Variants in C2CD3 observed in about 807,000 individuals in gnomAD.
C2CD3 encodes C2 domain containing 3 centriole elongation regulator.
C2CD3 carries 148 observed loss-of-function variants against 234.0 expected under a neutral mutation model. That is an observed-to-expected ratio of 0.63 (90% CI 0.55 to 0.72). C2CD3 has a LOEUF of 0.72. C2CD3 is among the 30% of genes least tolerant of loss of function. C2CD3 has a pLI of 0.00. For synonymous variants in C2CD3, 1,000 were observed against 1,035.4 expected (o/e 0.97, Z 0.66); for missense variants, 2,577 against 2,811.5 (o/e 0.92, Z 1.89).
chr11:74,115,915 A>G (rs1045353611), intron 9 of C2CD3, among the ~76,000 whole-genome samples: 1 of 152,208 alleles, frequency 6.6e-6, no homozygotes, highest in Non-Finnish European at 1.5e-5. Context: ...GACAATTGGC[A>G]AGCCACATGT....
At chr11:74,160,973 A>G (rs1856417870) in intron 3 of C2CD3, among the ~76,000 whole-genome samples, 1 of 152,234 alleles carries the variant, frequency 6.6e-6, no homozygotes, top group Non-Finnish European at 1.5e-5. Context: ...GTTCAGTACT[A>G]TATTATGAGC....
chr11:74,144,978 T>G (rs1043199540), intron 3 of C2CD3, among the ~76,000 whole-genome samples: 8 of 152,246 alleles, frequency 5.3e-5, no homozygotes, highest in Non-Finnish European at 1.0e-4. Context: ...AAAAGTATAA[T>G]TATTTAAAGC....
At chr11:74,122,182 C>T (rs1405194065) in intron 8 of C2CD3, among the ~76,000 whole-genome samples, 3 of 152,202 alleles carry the variant, frequency 2.0e-5, no homozygotes, top group African/African-American at 7.2e-5. Flanking sequence ...TGTTTTTCTG[C>T]ACAGGTCATT....
intron 3 of C2CD3, among the ~76,000 whole-genome samples, chr11:74,151,879 A>C (rs200133009): frequency 6.6e-6 from 1 of 152,220 alleles, no homozygotes; most frequent in East Asian, 1.9e-4. Context: ...GAAAATGTAC[A>C]TTAAAAAAGG....
chr11:74,135,531 G>C (rs1790383), intron 5 of C2CD3, among the ~76,000 whole-genome samples: 4 of 152,150 alleles, frequency 2.6e-5, no homozygotes, highest in African/African-American at 9.7e-5. Context: ...TCTCTGGCTG[G>C]TTAAAGGATA....
chr11:74,016,098 T>C (rs538580723), intron 32 of C2CD3, among the ~76,000 whole-genome samples: 2 of 152,156 alleles, frequency 1.3e-5, no homozygotes, highest in African/African-American at 4.8e-5. Context: ...CCTCTGTTGG[T>C]GACTCATCAA....
chr11:74,067,353 G>T (rs1233180656), intron 24 of C2CD3, among the ~76,000 whole-genome samples: 1 of 152,088 alleles, frequency 6.6e-6, no homozygotes. Flanking sequence ...CTGGAAAAAG[G>T]CTGAACCTGG....
chr11:74,041,969 G>T, intron 29 of C2CD3, 85 bp downstream of exon 29: 1 of 1,384,712 alleles, frequency 7.2e-7, no homozygotes, highest in Non-Finnish European at 1.0e-6. Context: ...GGCAGGTGAT[G>T]GAAAAGCAGT....
intron 25 of C2CD3, among the ~76,000 whole-genome samples, chr11:74,054,891 C>G (rs1023165246): frequency 6.6e-6 from 1 of 152,148 alleles, no homozygotes; most frequent in African/African-American, 2.4e-5. Context: ...ACAGGCTCCC[C>G]TGACACAACA....
At chr11:74,165,985 G>T (rs901476382) in intron 2 of C2CD3, among the ~76,000 whole-genome samples, 4 of 150,790 alleles carry the variant, frequency 2.7e-5, no homozygotes, top group African/African-American at 9.7e-5. Flanking sequence ...GAGCCACCAC[G>T]TTCAGCCTCT....
intron 3 of C2CD3, among the ~76,000 whole-genome samples, chr11:74,149,012 C>A (rs1403769710): frequency 6.6e-6 from 1 of 152,200 alleles, no homozygotes; most frequent in East Asian, 1.9e-4. Flanking sequence ...GACACCATTT[C>A]TCTTTCCTCA....
chr11:74,082,946 A>C (rs1430414455), intron 22 of C2CD3, among the ~76,000 whole-genome samples: 7 of 152,198 alleles, frequency 4.6e-5, no homozygotes, highest in Non-Finnish European at 2.9e-5. Flanking sequence ...AACTACTTTA[A>C]AGTTCATATG....
At chr11:74,153,802 G>T (rs1855836239) in intron 3 of C2CD3, among the ~76,000 whole-genome samples, 1 of 152,078 alleles carries the variant, frequency 6.6e-6, no homozygotes, top group Admixed American at 6.6e-5. Context: ...TAAAGCTGCA[G>T]TAATACAGTG....
At chr11:74,108,049 G>A (rs1418222189) in intron 12 of C2CD3, 1 of 151,442 alleles carries the variant, frequency 6.6e-6, no homozygotes, top group African/African-American at 2.4e-5. Flanking sequence ...TACTCGGGAG[G>A]CTGAGGCAGG....
chr11:74,122,376 T>C (rs1957246034), intron 8 of C2CD3, among the ~76,000 whole-genome samples: 1 of 152,196 alleles, frequency 6.6e-6, no homozygotes, highest in Non-Finnish European at 1.5e-5. Context: ...CTACCTTGTA[T>C]TTCAGTATCT....
At chr11:74,062,749 G>A (rs1954306725) in intron 24 of C2CD3, among the ~76,000 whole-genome samples, 1 of 151,336 alleles carries the variant, frequency 6.6e-6, no homozygotes, top group South Asian at 2.1e-4. Flanking sequence ...TCAAAAGCTA[G>A]CAGAAGGGAA....
chr11:74,167,260 ACTC>A (rs1357504748), intron 2 of C2CD3, among the ~76,000 whole-genome samples: 2 of 151,936 alleles, frequency 1.3e-5, no homozygotes, highest in Non-Finnish European at 1.5e-5. Context: ...ATTTCTAATC[ACTC>A]CTCATTTGTT....
rs189595220 is a variant in C2CD3 at position 74,162,074 on chromosome 11, C to T, written c.326-518G>A. On this transcript the variant is annotated intron_variant, in intron 2 of 32. Coordinates refer to ENST00000334126, the MANE Select transcript of C2CD3 (RefSeq NM_001286577.2). ...CAAGTGATCCCCTGATCTTGGCCTC[C>T]CAAAGTACTGGGATTACAAGTATGA... Among the ~76,000 whole-genome samples, 26 of 152,136 alleles carry T rather than the reference C, an allele frequency of 1.7e-4. No homozygotes were observed. The East Asian group carries it at 5.0e-3, about 29-fold the overall frequency.
At chr11:74,106,969 G>A (rs1477764661) in intron 12 of C2CD3, among the ~76,000 whole-genome samples, 1 of 152,148 alleles carries the variant, frequency 6.6e-6, no homozygotes, top group African/African-American at 2.4e-5. Context: ...GATATTAAAA[G>A]CTTTAAATAT....
Sources: gnomAD v4.1 joint callset for allele counts (sites outside exome capture counted in the v4.1 genomes callset) on GRCh38, gnomAD v4.1.1 for gene constraint, MANE v1.5 for transcripts, NCBI Gene and HGNC (gene_info 2026-07-23, HGNC 2026-07-21) for gene names.